Variants in ULK4 observed in about 807,000 individuals in gnomAD.
ULK4 encodes inactive serine/threonine-protein kinase ULK4.
A neutral mutation model predicts 160.6 loss-of-function variants in ULK4; 133 were observed. That is an observed-to-expected ratio of 0.83 (90% CI 0.72 to 0.96). The LOEUF is 0.96. ULK4 is among the 40% of genes least tolerant of loss of function. The pLI is 0.00. For missense variants in ULK4, 1,580 were observed against 1,499.5 expected (o/e 1.05, Z -0.89); for synonymous variants, 534 against 539.8 (o/e 0.99, Z 0.15).
At chr3:41,316,999 G>A (rs7630526) in intron 35 of ULK4, among the ~76,000 whole-genome samples, 83,039 of 150,314 alleles carry the variant, frequency 0.55, 24,745 homozygotes, top group African/African-American at 0.8. Flanking sequence ...AAAAACATTA[G>A]GACTCTCTTT....
chr3:41,811,594 A>C lies in ULK4; in HGVS notation c.1848+7829T>G, dbSNP rs190625181. On this transcript the variant is annotated intron_variant, in intron 19 of 36. Transcript: ENST00000301831. Reference sequence around the variant, plus strand: ...AGATCTCTGCTTAGAAGGCAATTTTAGTTTTAAATTATAAATTTTTTGTTC... The same window carrying C: ...AGATCTCTGCTTAGAAGGCAATTTTCGTTTTAAATTATAAATTTTTTGTTC... Among the ~76,000 whole-genome samples, 646 of 152,264 alleles carry C rather than the reference A, an allele frequency of 4.2e-3. 7 individuals are homozygous for C. Among genetic ancestry groups the C allele is most frequent in the South Asian group, 7.9e-3 (38 of 4,826 alleles).
chr3:41,721,287 G>GTTTTTTTTTTTTTTT (rs1559507507), intron 22 of ULK4, among the ~76,000 whole-genome samples: 2 of 68,828 alleles, frequency 2.9e-5, no homozygotes, highest in African/African-American at 1.3e-4. Flanking sequence ...TTTTTTTTGG[G>GTTTTTTTTTTTTTTT]TTTTGAACCA....
intron 21 of ULK4, among the ~76,000 whole-genome samples, chr3:41,762,497 CT>C (rs2125908689): frequency 6.6e-6 from 1 of 152,086 alleles, no homozygotes; most frequent in Admixed American, 6.5e-5. Flanking sequence ...CCACCTCAGA[CT>C]GGGTAATATA....
intron 29 of ULK4, among the ~76,000 whole-genome samples, chr3:41,671,683 A>T (rs918733634): frequency 6.6e-5 from 10 of 152,142 alleles, no homozygotes; most frequent in African/African-American, 2.4e-4. Context: ...TAGCTAAGAC[A>T]TCAAAAGCAC....
At position 41,379,212 on chromosome 3, in the gene ULK4, A is replaced by G. The variant is rs558945141; in HGVS notation, c.3678+18867T>C. On this transcript the variant is annotated intron_variant, in intron 35 of 36. Coordinates refer to ENST00000301831, the MANE Select transcript of ULK4 (RefSeq NM_017886.4). Reference sequence around the variant, plus strand: ...CAGAACTTAAAGTATTTAAAAAAAAAATAGTGAAAAAAGAAAAAAAAAGTG... The same window carrying G: ...CAGAACTTAAAGTATTTAAAAAAAAGATAGTGAAAAAAGAAAAAAAAAGTG... Among the ~76,000 whole-genome samples the G allele has an allele frequency of 2.1e-3, 324 of 152,242 alleles. 1 individual carries two copies. Among genetic ancestry groups the G allele is most frequent in the Non-Finnish European group, 3.8e-3 (257 of 68,012 alleles).
intron 32 of ULK4, among the ~76,000 whole-genome samples, chr3:41,521,976 C>T (rs750589482): frequency 1.7e-4 from 26 of 152,028 alleles, no homozygotes; most frequent in Admixed American, 8.5e-4. Context: ...AGGATCTTTC[C>T]GTAGCTCTTT....
At chr3:41,477,758 G>A (rs934617878) in intron 32 of ULK4, among the ~76,000 whole-genome samples, 2 of 152,076 alleles carry the variant, frequency 1.3e-5, no homozygotes, top group African/African-American at 4.8e-5. Context: ...GGTCGCCATG[G>A]AGCCATGGAG....
At position 41,454,033 on chromosome 3, in the gene ULK4, G is replaced by A. The variant is rs376193987; in HGVS notation, c.3492+1464C>T. Among the ~76,000 whole-genome samples, 9 of 96,388 alleles carry A rather than the reference G, an allele frequency of 9.3e-5. No homozygotes were observed. The East Asian group carries it at 3.4e-3, about 36-fold the overall frequency. The allele number at this position is 96,388 out of a possible 152,430, so 63.2% of individuals were successfully genotyped here. On this transcript the variant is annotated intron_variant, in intron 34 of 36. Transcript: ENST00000301831. ...CACACACTGGGGCCTGTCATGGGGT[G>A]GGGGGAGGGGGGAGGGATAGCATTA... is the stretch of plus-strand genomic sequence containing the variant.
chr3:41,807,316 G>A (rs1380295857), intron 19 of ULK4, among the ~76,000 whole-genome samples: 1 of 152,074 alleles, frequency 6.6e-6, no homozygotes, highest in African/African-American at 2.4e-5. Context: ...ATTATAATAG[G>A]TCTTGGATTG....
rs1332765936 is a variant in ULK4, at chr3:41,918,021, A to G, written c.727+436T>C. 1.7e-4 allele frequency among the ~76,000 whole-genome samples: 10 copies of G among 59,084 alleles called. No individual in the cohort carries two copies. The Admixed American group carries it at 2.2e-3, about 13-fold the overall frequency. 38.8% of individuals were successfully genotyped at this position (59,084 alleles called of 152,430 possible). A position where few individuals can be genotyped will look rare whatever the true frequency, so the allele number is the denominator to read the frequency against. Reference sequence around the variant, plus strand: ...TAAATAAATAAATAAATAAATAAATAAATAAATAAATAAAGATTTTTAAAA... The same window carrying G: ...TAAATAAATAAATAAATAAATAAATGAATAAATAAATAAAGATTTTTAAAA... On this transcript the variant is annotated intron_variant, in intron 7 of 36. Transcript: ENST00000301831.
At chr3:41,872,789 G>GAA (rs369983366) in intron 17 of ULK4, among the ~76,000 whole-genome samples, 1 of 145,876 alleles carries the variant, frequency 6.9e-6, no homozygotes, top group African/African-American at 2.5e-5. Context: ...GAATAAAATT[G>GAA]AAAAAAAAAA....
chr3:41,426,002 A>G (rs1489064709), intron 34 of ULK4, among the ~76,000 whole-genome samples: 13 of 152,268 alleles, frequency 8.5e-5, no homozygotes, highest in Middle Eastern at 3.4e-3. Context: ...GATAAAGACT[A>G]AAGATCCATC....
At chr3:41,542,229 G>A (rs919698882) in intron 32 of ULK4, among the ~76,000 whole-genome samples, 7 of 152,146 alleles carry the variant, frequency 4.6e-5, no homozygotes, top group Non-Finnish European at 1.0e-4. Flanking sequence ...AGCATGAAGG[G>A]CTGTTGAATC....
intron 19 of ULK4, among the ~76,000 whole-genome samples, chr3:41,809,799 C>T (rs1460470782): frequency 6.6e-6 from 1 of 152,052 alleles, no homozygotes; most frequent in East Asian, 1.9e-4. Context: ...TTTATTTTTG[C>T]CCTTTTTCAT....
intron 17 of ULK4, among the ~76,000 whole-genome samples, chr3:41,879,894 A>T (rs1380395773): frequency 6.6e-6 from 1 of 152,172 alleles, no homozygotes; most frequent in Non-Finnish European, 1.5e-5. Context: ...AGGCGGATGG[A>T]TTATTTGAGG....
chr3:41,438,106 G>GT (rs1189723059), intron 34 of ULK4, among the ~76,000 whole-genome samples: 2 of 102,378 alleles, frequency 2.0e-5, no homozygotes, highest in Admixed American at 2.1e-4. Context: ...CATGTTTATT[G>GT]TTAAAAAAAA....
intron 18 of ULK4, among the ~76,000 whole-genome samples, chr3:41,829,132 C>G (rs1314651637): frequency 6.2e-5 from 9 of 145,724 alleles, no homozygotes; most frequent in Admixed American, 2.8e-4. Flanking sequence ...TTACACCTTA[C>G]ACAAAAATTA....
intron 25 of ULK4, among the ~76,000 whole-genome samples, chr3:41,713,565 CTTTCAT>C (rs1474971315): frequency 1.3e-5 from 2 of 152,154 alleles, no homozygotes; most frequent in Non-Finnish European, 2.9e-5. Context: ...AGGCAAAAGA[CTTTCAT>C]TTTATTTCCC....
intron 32 of ULK4, among the ~76,000 whole-genome samples, chr3:41,473,662 A>C (rs1292802542): frequency 2.0e-5 from 2 of 101,616 alleles, no homozygotes; most frequent in Admixed American, 1.8e-4. Flanking sequence ...ATTCTGTCTC[A>C]AAGAAAAAAA....
Sources: allele counts gnomAD v4.1 joint callset (sites outside exome capture counted in the v4.1 genomes callset), GRCh38; gene constraint gnomAD v4.1.1; transcripts MANE v1.5; gene names NCBI Gene and HGNC (gene_info 2026-07-23, HGNC 2026-07-21).